RANBP2: variants seen among roughly 807,000 people sequenced by gnomAD.
RANBP2 encodes the protein RAN binding protein 2, also known as E3 SUMO-protein ligase RanBP2.
RANBP2 carries 57 observed loss-of-function variants against 303.6 expected under a neutral mutation model. The observed-to-expected ratio is 0.19, with a 90% CI of 0.15 to 0.23. The LOEUF (loss-of-function observed/expected upper bound fraction) is 0.23, where lower values mean the gene tolerates loss of function less well. Ranked by LOEUF, RANBP2 falls within the 10% of genes least tolerant of loss-of-function variation. The pLI is 1.00. For synonymous variants in RANBP2, 1,167 were observed against 1,301.5 expected (o/e 0.90, Z 2.23); for missense variants, 3,138 against 3,780.8 (o/e 0.83, Z 4.46).
chr2:108,869,799 A>G, the RANBP2 span, among the ~76,000 whole-genome samples: 2 of 152,204 alleles, frequency 1.3e-5, no homozygotes, highest in Admixed American at 6.5e-5. Flanking sequence ...CAGGTGCTTG[A>G]TAAGTAGTGA....
the RANBP2 span, chr2:109,617,028 A>T: frequency 6.0e-6 from 1 of 166,998 alleles, no homozygotes; most frequent in African/African-American, 2.4e-5. Context: ...TTTCTGGTTT[A>T]AATAATTAGC....
intron 1 of RANBP2, among the ~76,000 whole-genome samples, chr2:108,727,861 C>T (rs373756179): frequency 1.2e-3 from 184 of 152,216 alleles, no homozygotes; most frequent in African/African-American, 4.4e-3. Context: ...CCTCGGTCTC[C>T]GAAAGTGCTG....
At chr2:108,817,585 C>G in the RANBP2 span, among the ~76,000 whole-genome samples, 1 of 152,194 alleles carries the variant, frequency 6.6e-6, no homozygotes, top group Non-Finnish European at 1.5e-5. Context: ...GCCACCGTGC[C>G]CAGCCATCAG....
the RANBP2 span, among the ~76,000 whole-genome samples, chr2:109,311,797 C>G: frequency 6.6e-6 from 1 of 152,224 alleles, no homozygotes; most frequent in Non-Finnish European, 1.5e-5. Context: ...ACCCATATGG[C>G]AGAGACAGCA....
At chr2:109,358,229 A>G in the RANBP2 span, among the ~76,000 whole-genome samples, 3 of 152,114 alleles carry the variant, frequency 2.0e-5, no homozygotes, top group African/African-American at 7.2e-5. Flanking sequence ...TTAATAGCTC[A>G]TTTCCTTTTT....
the RANBP2 span, chr2:109,585,923 TATATC>T: frequency 4.5e-6 from 4 of 898,364 alleles, 1 homozygote; most frequent in South Asian, 6.2e-5. Flanking sequence ...GAAGGACAAA[TATATC>T]AAATAAATGA....
chr2:108,830,362 A>T, the RANBP2 span, among the ~76,000 whole-genome samples: 4 of 152,244 alleles, frequency 2.6e-5, no homozygotes, highest in Non-Finnish European at 5.9e-5. Context: ...GTGTGATTAC[A>T]CTTAATGCCA....
the RANBP2 span, among the ~76,000 whole-genome samples, chr2:109,231,271 G>A: frequency 5.8e-4 from 88 of 152,366 alleles, no homozygotes; most frequent in African/African-American, 2.0e-3. Flanking sequence ...CTACAGCTGA[G>A]AGGAATTGGT....
At chr2:108,991,492 T>C in the RANBP2 span, among the ~76,000 whole-genome samples, 6 of 152,198 alleles carry the variant, frequency 3.9e-5, no homozygotes, top group African/African-American at 1.4e-4. Flanking sequence ...TTAGAAATGA[T>C]GAATGTAATT....
At chr2:109,373,902 T>C in the RANBP2 span, among the ~76,000 whole-genome samples, 44 of 152,214 alleles carry the variant, frequency 2.9e-4, no homozygotes, top group African/African-American at 7.2e-4. Context: ...TCAGGCACCA[T>C]TGGGAGTCCG....
At chr2:108,773,822 T>C (rs1261226572) in intron 23 of RANBP2, among the ~76,000 whole-genome samples, 1 of 151,968 alleles carries the variant, frequency 6.6e-6, no homozygotes, top group African/African-American at 2.4e-5. Flanking sequence ...AATTTTTGTA[T>C]TTTTTTAGTA....
the RANBP2 span, among the ~76,000 whole-genome samples, chr2:108,957,473 C>T: frequency 3.9e-5 from 6 of 152,206 alleles, no homozygotes; most frequent in South Asian, 2.1e-4. Flanking sequence ...CAAGTGGCCC[C>T]GGGCTCATGG....
At chr2:109,545,323 A>C in the RANBP2 span, 7 of 1,483,700 alleles carry the variant, frequency 4.7e-6, no homozygotes, top group Admixed American at 2.2e-5. Flanking sequence ...ACAGAAGGAA[A>C]TTATCAAAAA....
At chr2:109,505,253 C>T in the RANBP2 span, among the ~76,000 whole-genome samples, 2 of 152,242 alleles carry the variant, frequency 1.3e-5, no homozygotes, top group Non-Finnish European at 2.9e-5. Context: ...GGCCGCCAGC[C>T]TGATCCATGC....
the RANBP2 span, chr2:108,912,755 G>A: frequency 1.3e-6 from 2 of 1,595,512 alleles, no homozygotes; most frequent in Admixed American, 3.5e-5. Flanking sequence ...TCCTGAAGTG[G>A]CTCCCACACC....
chr2:109,366,392 CTAAAT>C, the RANBP2 span, among the ~76,000 whole-genome samples: 1 of 152,112 alleles, frequency 6.6e-6, no homozygotes, highest in African/African-American at 2.4e-5. Context: ...GATCTTTAGA[CTAAAT>C]TAAGTGGAAA....
At chr2:109,405,993 C>T in the RANBP2 span, among the ~76,000 whole-genome samples, 1 of 152,224 alleles carries the variant, frequency 6.6e-6, no homozygotes, top group Non-Finnish European at 1.5e-5. Context: ...CCCCAACTCC[C>T]GCAGGCCCGG....
intron 6 of RANBP2, among the ~76,000 whole-genome samples, chr2:108,738,649 A>G (rs189014050): frequency 1.4e-5 from 2 of 141,420 alleles, no homozygotes; most frequent in African/African-American, 5.3e-5. Flanking sequence ...TTTTTTTGAG[A>G]CGGAGTTTTG....
At chr2:109,219,175 C>T in the RANBP2 span, among the ~76,000 whole-genome samples, 4 of 152,184 alleles carry the variant, frequency 2.6e-5, no homozygotes, top group African/African-American at 4.8e-5. Context: ...GAGGGGCTAC[C>T]GCCTGGAGCA....
Sources: gnomAD v4.1 joint callset for allele counts (sites outside exome capture counted in the v4.1 genomes callset) on GRCh38, gnomAD v4.1.1 for gene constraint, MANE v1.5 for transcripts, NCBI Gene and HGNC (gene_info 2026-07-23, HGNC 2026-07-21) for gene names.